Variants in JARID2 observed in about 807,000 individuals in gnomAD.
JARID2 encodes the protein protein Jumonji.
In JARID2, 21 loss-of-function variants were observed where a neutral mutation model predicts 125.6. That is an observed-to-expected ratio of 0.17 (90% CI 0.12 to 0.24). The LOEUF (loss-of-function observed/expected upper bound fraction) is 0.24, where lower values mean the gene tolerates loss of function less well. Ranked by LOEUF, JARID2 falls within the 10% of genes least tolerant of loss-of-function variation. The pLI, the probability that JARID2 is intolerant of heterozygous loss-of-function variation, is 1.00. For synonymous variants in JARID2, 736 were observed against 661.6 expected (o/e 1.11, Z -1.73); for missense variants, 1,303 against 1,639.6 (o/e 0.79, Z 3.55).
intron 1 of JARID2, among the ~76,000 whole-genome samples, chr6:15,356,320 G>T (rs1298853402): frequency 6.6e-6 from 1 of 152,176 alleles, no homozygotes; most frequent in Admixed American, 6.5e-5. Context: ...ATAATTCTAT[G>T]TTTAACTTTT....
chr6:15,397,774 A>G (rs1018767030), intron 2 of JARID2, among the ~76,000 whole-genome samples: 7 of 152,228 alleles, frequency 4.6e-5, no homozygotes, highest in African/African-American at 1.7e-4. Context: ...ATATCCAAGG[A>G]TATCTACCAC....
At chr6:15,302,833 C>G (rs1056389169) in intron 1 of JARID2, among the ~76,000 whole-genome samples, 1 of 152,124 alleles carries the variant, frequency 6.6e-6, no homozygotes, top group Non-Finnish European at 1.5e-5. Context: ...CTCCTGGGTT[C>G]AAGCGATTCT....
rs549059815 is a variant in JARID2 at position 15,382,517 on chromosome 6, A to G, written c.181+8265A>G. On this transcript the variant is annotated intron_variant, in intron 2 of 17. Transcript: ENST00000341776. ...CTGCAATGGCCGGTTTCCGTGGCCA[A>G]GTCACTTGTACTGGTCTGATGCCAA... Among the ~76,000 whole-genome samples the G allele has an allele frequency of 2.2e-4, 34 of 152,326 alleles. No individual in the cohort carries two copies. The East Asian group carries it at 6.5e-3, about 29-fold the overall frequency.
chr6:15,473,580 A>AG (rs1423330873), intron 5 of JARID2, among the ~76,000 whole-genome samples: 2 of 133,192 alleles, frequency 1.5e-5, no homozygotes, highest in Non-Finnish European at 1.6e-5. Context: ...GGTCCTTAAG[A>AG]GGGGGGTGGT....
intron 1 of JARID2, among the ~76,000 whole-genome samples, chr6:15,321,326 CTG>C (rs763752785): frequency 6.6e-6 from 1 of 152,092 alleles, no homozygotes; most frequent in Non-Finnish European, 1.5e-5. Flanking sequence ...GTTGTCCACT[CTG>C]TAACTAAGGC....
At chr6:15,247,385 G>T (rs188813886) in intron 1 of JARID2, 684 of 958,298 alleles carry the variant, frequency 7.1e-4, no homozygotes, top group Non-Finnish European at 8.1e-4. Context: ...GCTACGTTTT[G>T]ATTGGCATGG....
intron 1 of JARID2, among the ~76,000 whole-genome samples, chr6:15,305,380 T>A (rs1345207881): frequency 1.3e-5 from 2 of 152,142 alleles, no homozygotes; most frequent in African/African-American, 4.8e-5. Flanking sequence ...ATTCTGTCAC[T>A]CCACTTTGGA....
chr6:15,416,698 C>T (rs1393921493), intron 3 of JARID2, among the ~76,000 whole-genome samples: 3 of 107,480 alleles, frequency 2.8e-5, no homozygotes, highest in Non-Finnish European at 5.2e-5. Flanking sequence ...GAGAGGGAGA[C>T]CGTGGGGAGA....
chr6:15,436,340 A>ACGCTGGT (rs1247896434), intron 3 of JARID2, among the ~76,000 whole-genome samples: 8 of 152,162 alleles, frequency 5.3e-5, no homozygotes, highest in Admixed American at 1.3e-4. Flanking sequence ...GGCGGGCTGC[A>ACGCTGGT]CGCTGGTCGA....
At position 15,496,735 on chromosome 6, in the gene JARID2, G is replaced by A. The variant is rs780967141; in HGVS notation, c.1510G>A (p.Ala504Thr). ...LERNRPKRATAGKSTPGRQAH... is the reference protein window; with the variant it reads ...LERNRPKRATTGKSTPGRQAH... Reference sequence around the variant, plus strand: ...GAGGAATCGGCCGAAGCGGGCCACGGCCGGGAAGAGCACGCCAGGCAGACA... The same window carrying A: ...GAGGAATCGGCCGAAGCGGGCCACGACCGGGAAGAGCACGCCAGGCAGACA... Residue 504 changes from alanine (A) to threonine (T), a missense_variant, in exon 7 of 18, where the codon GCC (alanine) becomes ACC (threonine). Physicochemically the swap from Ala to Thr is moderately conservative, Grantham distance 58 (BLOSUM62 0). Around this residue, in one of 11 missense-constraint regions of JARID2, gnomAD observed 651 missense variants for 581.6 expected, o/e 1.12. Coordinates refer to ENST00000341776, the MANE Select transcript of JARID2 (RefSeq NM_004973.4). 1.9e-6 allele frequency: 3 copies of A among 1,613,738 alleles called. No individual in the cohort carries two copies. The highest frequency in any genetic ancestry group is 2.5e-6 in the Non-Finnish European group (3 of 1,179,978).
At chr6:15,276,392 CA>C (rs1760521855) in intron 1 of JARID2, among the ~76,000 whole-genome samples, 1 of 152,186 alleles carries the variant, frequency 6.6e-6, no homozygotes, top group Admixed American at 6.5e-5. Flanking sequence ...ATATTCCTGC[CA>C]GTGCATTTAG....
rs1409714683 is a variant in JARID2, at chr6:15,521,256, G to A, written c.*1005G>A. 6.6e-6 allele frequency: 1 copy of A among 152,134 alleles called. No homozygotes were observed. Among genetic ancestry groups the A allele is most frequent in the Non-Finnish European group, 1.5e-5 (1 of 68,138 alleles). 9.4% of individuals were successfully genotyped at this position (152,134 alleles called of 1,614,324 possible). ...TTATGATCATGTAGAGAGCCACTAG[G>A]AGGCCTGCAGTTATTTTTGAATGTG... is the stretch of plus-strand genomic sequence containing the variant. On this transcript the variant is annotated 3_prime_UTR_variant, in exon 18 of 18. Coordinates refer to ENST00000341776, the MANE Select transcript of JARID2 (RefSeq NM_004973.4).
chr6:15,347,247 G>A (rs2127476321), intron 1 of JARID2, among the ~76,000 whole-genome samples: 1 of 152,286 alleles, frequency 6.6e-6, no homozygotes, highest in South Asian at 2.1e-4. Flanking sequence ...AAGGACCCAG[G>A]TAGGTGGTGA....
intron 1 of JARID2, among the ~76,000 whole-genome samples, chr6:15,256,791 A>AT (rs1759682200): frequency 6.6e-6 from 1 of 152,194 alleles, no homozygotes; most frequent in Non-Finnish European, 1.5e-5. Flanking sequence ...ATTTGCTTAC[A>AT]TGTCTCTCAC....
At chr6:15,351,477 C>G (rs11759478) in intron 1 of JARID2, among the ~76,000 whole-genome samples, 8,690 of 152,244 alleles carry the variant, frequency 0.057, 330 homozygotes, top group South Asian at 0.11. Flanking sequence ...CATCCCTGCT[C>G]TGCTCCAGAG....
In JARID2 at chr6:15,456,351, C is replaced by CT. The variant is rs538284732; in HGVS notation, c.493+4180dup. The stretch of plus-strand genomic sequence containing the variant: ...ATCTTTTCATAGATAAAATTTACTT[C>CT]TTTTAGATGTCAAATACAAAAAAGG... On this transcript the variant is annotated intron_variant, in intron 4 of 17. Transcript: ENST00000341776. Among the ~76,000 whole-genome samples, 601 of 152,154 alleles carry CT rather than the reference C, an allele frequency of 3.9e-3. 4 individuals are homozygous for CT. Among genetic ancestry groups the CT allele is most frequent in the African/African-American group, 0.013 (556 of 41,518 alleles).
intron 1 of JARID2, among the ~76,000 whole-genome samples, chr6:15,266,764 T>TA (rs1394643878): frequency 6.6e-6 from 1 of 152,176 alleles, no homozygotes; most frequent in African/African-American, 2.4e-5. Context: ...GTGTGTTTGT[T>TA]ATTTCATGTC....
At chr6:15,436,488 G>A (rs1767209275) in intron 3 of JARID2, among the ~76,000 whole-genome samples, 1 of 152,148 alleles carries the variant, frequency 6.6e-6, no homozygotes, top group South Asian at 2.1e-4. Context: ...GTTTTTATAG[G>A]TTTTCATAGG....
chr6:15,246,311 A>ATT lies in JARID2; in HGVS notation c.-221_-220dup. 1 of 564,122 alleles carries ATT rather than the reference A, an allele frequency of 1.8e-6. No individual in the cohort carries two copies. Among genetic ancestry groups the ATT allele is most frequent in the Non-Finnish European group, 3.1e-6 (1 of 321,052 alleles). The allele number at this position is 564,122 out of a possible 1,614,324, so 34.9% of individuals were successfully genotyped here. A position where few individuals can be genotyped will look rare whatever the true frequency, so the allele number is the denominator to read the frequency against. ...CATTATGAGTGTTTTACTAAAGTGA[A>ATT]TTTTTTTTTGTTTGCTTCGTTCGTC... On this transcript the variant is annotated 5_prime_UTR_variant, in exon 1 of 18. Coordinates refer to ENST00000341776, the MANE Select transcript of JARID2 (RefSeq NM_004973.4).
Sources: gnomAD v4.1 joint callset for allele counts (sites outside exome capture counted in the v4.1 genomes callset) on GRCh38, gnomAD v4.1.1 for gene constraint, gnomAD v4.1.1 regional missense constraint, MANE v1.5 for transcripts, NCBI Gene and HGNC (gene_info 2026-07-23, HGNC 2026-07-21) for gene names.